Variants in CADPS observed in about 807,000 individuals in gnomAD.
CADPS encodes calcium-dependent secretion activator 1.
CADPS carries 57 observed loss-of-function variants against 167.3 expected under a neutral mutation model. The ratio of observed to expected loss-of-function variants is 0.34; its 90% confidence interval spans 0.28 to 0.42. The LOEUF (loss-of-function observed/expected upper bound fraction) is 0.42, where lower values mean the gene tolerates loss of function less well. CADPS is among the 20% of genes least tolerant of loss of function. CADPS has a pLI of 1.00. For missense variants in CADPS, 1,414 were observed against 1,738.1 expected (o/e 0.81, Z 3.32); for synonymous variants, 676 against 635.3 (o/e 1.06, Z -0.96).
At chr3:62,738,541 T>G (rs1212644511) in intron 3 of CADPS, among the ~76,000 whole-genome samples, 3 of 151,986 alleles carry the variant, frequency 2.0e-5, no homozygotes, top group Non-Finnish European at 2.9e-5. Context: ...CTGGCCAACA[T>G]GGTGAAACCC....
intron 24 of CADPS, chr3:62,467,243 C>T (rs1009224814): frequency 4.8e-5 from 46 of 962,504 alleles, no homozygotes; most frequent in Non-Finnish European, 5.6e-5. Flanking sequence ...CCATATTTCC[C>T]TAACAAAAAA....
intron 26 of CADPS, among the ~76,000 whole-genome samples, chr3:62,452,314 A>G (rs535487325): frequency 1.3e-5 from 2 of 152,228 alleles, no homozygotes; most frequent in African/African-American, 4.8e-5. Context: ...CTGACCCTAC[A>G]CATGTGGCTC....
intron 8 of CADPS, among the ~76,000 whole-genome samples, chr3:62,582,761 A>C (rs1462562321): frequency 6.6e-6 from 1 of 152,156 alleles, no homozygotes; most frequent in African/African-American, 2.4e-5. Context: ...AGCAATATGA[A>C]ATAGCTATGA....
At chr3:62,674,755 CA>C (rs1333105207) in intron 3 of CADPS, among the ~76,000 whole-genome samples, 1 of 152,084 alleles carries the variant, frequency 6.6e-6, no homozygotes, top group Non-Finnish European at 1.5e-5. Flanking sequence ...ACAAAGGTAT[CA>C]GGGGTATCAT....
At chr3:62,782,659 A>G (rs1037479167) in intron 1 of CADPS, among the ~76,000 whole-genome samples, 3 of 152,172 alleles carry the variant, frequency 2.0e-5, no homozygotes, top group African/African-American at 7.2e-5. Context: ...ATTAGATTAC[A>G]TGGGGGCTAA....
intron 1 of CADPS, among the ~76,000 whole-genome samples, chr3:62,806,607 A>T (rs1478537826): frequency 6.6e-6 from 1 of 152,162 alleles, no homozygotes. Flanking sequence ...GGTGTGTGTT[A>T]CTGGTCCCCT....
In CADPS at chr3:62,771,895, G is replaced by A. The variant is rs142983265; in HGVS notation, c.442-5911C>T. Among the ~76,000 whole-genome samples the A allele has an allele frequency of 2.2e-3, 341 of 152,302 alleles. 1 individual carries two copies. Among genetic ancestry groups the A allele is most frequent in the African/African-American group, 7.8e-3 (325 of 41,558 alleles). Reference sequence around the variant, plus strand: ...TGTGATCTGCAGTGAGGAGAAAACGGCATGTTCTAAGTGTCGGTCTCAGGA... The same window carrying A: ...TGTGATCTGCAGTGAGGAGAAAACGACATGTTCTAAGTGTCGGTCTCAGGA... On this transcript the variant is annotated intron_variant, in intron 1 of 29. Coordinates refer to ENST00000383710, the MANE Select transcript of CADPS (RefSeq NM_003716.4).
chr3:62,864,302 G>C (rs1352089088), intron 1 of CADPS, among the ~76,000 whole-genome samples: 1 of 152,224 alleles, frequency 6.6e-6, no homozygotes, highest in African/African-American at 2.4e-5. Flanking sequence ...CAAATTTTAA[G>C]TGTAGAGATG....
intron 3 of CADPS, among the ~76,000 whole-genome samples, chr3:62,737,991 T>A (rs1045042775): frequency 3.3e-5 from 5 of 152,160 alleles, no homozygotes; most frequent in African/African-American, 1.2e-4. Context: ...TAAACATCAG[T>A]TTTTTGAGAG....
At chr3:62,463,670 C>T (rs2059630563) in intron 26 of CADPS, among the ~76,000 whole-genome samples, 1 of 152,200 alleles carries the variant, frequency 6.6e-6, no homozygotes, top group Admixed American at 6.5e-5. Context: ...TGCTGTGTGA[C>T]CTCAGACAAA....
chr3:62,819,244 A>G (rs1365123187), intron 1 of CADPS, among the ~76,000 whole-genome samples: 7 of 152,208 alleles, frequency 4.6e-5, no homozygotes, highest in Non-Finnish European at 7.3e-5. Context: ...CATATTTACA[A>G]TGTGAATCTA....
At chr3:62,652,416 A>T (rs965871268) in intron 4 of CADPS, among the ~76,000 whole-genome samples, 2 of 151,956 alleles carry the variant, frequency 1.3e-5, no homozygotes, top group East Asian at 1.9e-4. Context: ...AAAAAAAAAA[A>T]AAAAAAATAA....
At chr3:62,769,659 G>A (rs776224705) in intron 1 of CADPS, among the ~76,000 whole-genome samples, 59 of 152,082 alleles carry the variant, frequency 3.9e-4, no homozygotes, top group Non-Finnish European at 7.6e-4. Flanking sequence ...GGTGGAGGTC[G>A]CTGTTTTCTC....
Position 62,753,796 on chromosome 3 carries a change from A to G in CADPS, c.556-23T>C. 1 of 1,596,950 alleles carries G rather than the reference A, an allele frequency of 6.3e-7. No individual in the cohort carries two copies. The highest frequency in any genetic ancestry group is 8.5e-7 in the Non-Finnish European group (1 of 1,170,376). ...CACCTGAGCAAGAACAAGGCCAGGA[A>G]AGACAGTAGGAGAGTTTACCACAGA... On this transcript the variant is annotated intron_variant, in intron 2 of 29. Coordinates refer to ENST00000383710, the MANE Select transcript of CADPS (RefSeq NM_003716.4). This position sits in a 1 kb window ranked among gnomAD's most constrained non-coding sequence, Gnocchi z 4.6.
intron 1 of CADPS, among the ~76,000 whole-genome samples, chr3:62,846,742 C>A (rs1024789361): frequency 1.3e-5 from 2 of 152,138 alleles, no homozygotes; most frequent in Admixed American, 1.3e-4. Context: ...TGGTTCATTA[C>A]AACTTCCACC....
At chr3:62,759,436 T>G (rs1442241576) in intron 2 of CADPS, among the ~76,000 whole-genome samples, 1 of 152,176 alleles carries the variant, frequency 6.6e-6, no homozygotes, top group Non-Finnish European at 1.5e-5. Flanking sequence ...TGATATATGG[T>G]TATAATGGAC....
intron 6 of CADPS, among the ~76,000 whole-genome samples, chr3:62,617,218 T>C (rs908546857): frequency 1.3e-5 from 2 of 152,048 alleles, no homozygotes; most frequent in African/African-American, 2.4e-5. Flanking sequence ...GAGAACACAA[T>C]GAGCCAATAA....
At chr3:62,481,440 G>A (rs2062000969) in intron 22 of CADPS, among the ~76,000 whole-genome samples, 1 of 152,080 alleles carries the variant, frequency 6.6e-6, no homozygotes. Flanking sequence ...CATGTCACCT[G>A]CCAAAAAGGG....
At chr3:62,475,337 G>T (rs2061134737) in intron 23 of CADPS, among the ~76,000 whole-genome samples, 1 of 152,116 alleles carries the variant, frequency 6.6e-6, no homozygotes, top group Non-Finnish European at 1.5e-5. Flanking sequence ...CACCTGGTTA[G>T]TAAGTGGCTT....
Sources: gnomAD v4.1 joint callset for allele counts (sites outside exome capture counted in the v4.1 genomes callset) on GRCh38, gnomAD v4.1.1 for gene constraint, Gnocchi (gnomAD v3.1) non-coding constraint, MANE v1.5 for transcripts, NCBI Gene and HGNC (gene_info 2026-07-23, HGNC 2026-07-21) for gene names.